The following PIP5K1B variants were observed in gnomAD, a reference collection of about 807,000 sequenced individuals.
PIP5K1B encodes phosphatidylinositol 4-phosphate 5-kinase type-1 beta.
PIP5K1B carries 42 observed loss-of-function variants against 67.0 expected under a neutral mutation model. That is an observed-to-expected ratio of 0.63 (90% CI 0.49 to 0.81). The LOEUF is 0.81. Ranked by LOEUF, PIP5K1B falls within the 30% of genes least tolerant of loss-of-function variation. The probability of loss-of-function intolerance (pLI) is 0.00; values close to 1 mark genes in which losing one functional copy is unlikely to be tolerated. For missense variants in PIP5K1B, 459 were observed against 646.3 expected (o/e 0.71, Z 3.14); for synonymous variants, 214 against 231.4 (o/e 0.92, Z 0.68).
rs111686902 is a variant in PIP5K1B at position 68,880,382 on chromosome 9, G to A, written c.318+3588G>A. On this transcript the variant is annotated intron_variant, in intron 6 of 15. Transcript: ENST00000265382. ...AGCCTGGCCAACATGGCAAAATCCCGTCTCTACCAAAAATACAAAAACGTT... is the reference window on the plus strand; with the variant it reads ...AGCCTGGCCAACATGGCAAAATCCCATCTCTACCAAAAATACAAAAACGTT... 3.9e-5 allele frequency among the ~76,000 whole-genome samples: 6 copies of A among 152,124 alleles called. No individual in the cohort carries two copies. In the East Asian group the frequency reaches 1.2e-3, roughly 29 times the overall value.
chr9:68,864,439 AC>A (rs1310885660), intron 5 of PIP5K1B, among the ~76,000 whole-genome samples: 5 of 152,252 alleles, frequency 3.3e-5, no homozygotes, highest in African/African-American at 1.2e-4. Context: ...CTTTAACTTA[AC>A]TTTCCTCGAG....
At chr9:68,889,578 C>CA (rs1352456002) in intron 7 of PIP5K1B, among the ~76,000 whole-genome samples, 9 of 151,412 alleles carry the variant, frequency 5.9e-5, no homozygotes, top group African/African-American at 1.7e-4. Context: ...ACTAAAAATA[C>CA]AAAAAAATTA....
intron 1 of PIP5K1B, among the ~76,000 whole-genome samples, chr9:68,728,277 C>T (rs926321534): frequency 2.6e-5 from 4 of 152,126 alleles, no homozygotes; most frequent in African/African-American, 4.8e-5. Flanking sequence ...CTGACAGATC[C>T]AGTGTCTGGT....
At chr9:68,919,148 T>C (rs1181895443) in intron 9 of PIP5K1B, among the ~76,000 whole-genome samples, 1 of 152,218 alleles carries the variant, frequency 6.6e-6, no homozygotes, top group Non-Finnish European at 1.5e-5. Flanking sequence ...TATTTTATAA[T>C]GGTCTAAAAA....
intron 8 of PIP5K1B, among the ~76,000 whole-genome samples, chr9:68,914,209 C>T (rs906914610): frequency 2.0e-5 from 3 of 152,012 alleles, no homozygotes; most frequent in African/African-American, 7.2e-5. Flanking sequence ...TTTTAACAAG[C>T]AGAATTCATT....
intron 15 of PIP5K1B, among the ~76,000 whole-genome samples, chr9:69,007,999 T>C (rs1290149343): frequency 6.6e-6 from 1 of 152,180 alleles, no homozygotes; most frequent in Non-Finnish European, 1.5e-5. Flanking sequence ...ATAGCTACCA[T>C]TTAAATAGCT....
intron 2 of PIP5K1B, among the ~76,000 whole-genome samples, chr9:68,744,750 T>G (rs765657247): frequency 2.8e-4 from 43 of 152,208 alleles, no homozygotes; most frequent in Non-Finnish European, 4.6e-4. Flanking sequence ...GTGGGGCCCT[T>G]TTGTGGGTTC....
intron 15 of PIP5K1B, among the ~76,000 whole-genome samples, chr9:69,008,084 C>G (rs548850487): frequency 5.9e-5 from 9 of 152,302 alleles, no homozygotes; most frequent in African/African-American, 2.2e-4. Context: ...AAGTTCAAGG[C>G]CATGTTCAAG....
intron 5 of PIP5K1B, among the ~76,000 whole-genome samples, chr9:68,869,842 AAAAG>A (rs1170455738): frequency 6.6e-6 from 1 of 152,182 alleles, no homozygotes; most frequent in Admixed American, 6.5e-5. Context: ...AAATAAATAA[AAAAG>A]AAAAAGATTA....
intron 2 of PIP5K1B, chr9:68,780,059 G>C: frequency 1.4e-6 from 2 of 1,404,426 alleles, no homozygotes; most frequent in Non-Finnish European, 9.3e-7. Context: ...GGGCCAGCCC[G>C]CTGACAGATT....
intron 13 of PIP5K1B, among the ~76,000 whole-genome samples, chr9:68,935,717 A>G (rs1827231999): frequency 6.6e-6 from 1 of 152,154 alleles, no homozygotes; most frequent in Admixed American, 6.5e-5. Flanking sequence ...CATACACTCA[A>G]TGTAACAATA....
intron 2 of PIP5K1B, among the ~76,000 whole-genome samples, chr9:68,805,284 T>C (rs1282259815): frequency 6.6e-6 from 1 of 152,096 alleles, no homozygotes; most frequent in Non-Finnish European, 1.5e-5. Context: ...CGGCCAGAGA[T>C]GAGGGTGAGC....
At chr9:68,955,484 A>G (rs139773886) in intron 14 of PIP5K1B, among the ~76,000 whole-genome samples, 1 of 152,318 alleles carries the variant, frequency 6.6e-6, no homozygotes, top group African/African-American at 2.4e-5. Context: ...TTTAAAATTC[A>G]TTTCCTGGCC....
At chr9:68,944,418 G>C (rs188413324) in intron 14 of PIP5K1B, among the ~76,000 whole-genome samples, 1 of 152,242 alleles carries the variant, frequency 6.6e-6, no homozygotes. Context: ...CAAAGCTCTG[G>C]TTATGCATAA....
At chr9:68,889,451 G>C (rs923996486) in intron 7 of PIP5K1B, among the ~76,000 whole-genome samples, 2 of 152,088 alleles carry the variant, frequency 1.3e-5, no homozygotes, top group Non-Finnish European at 1.5e-5. Context: ...TGAGAAATAC[G>C]TGGCCAGGCG....
At chr9:69,008,213 T>C (rs942412827) in intron 15 of PIP5K1B, among the ~76,000 whole-genome samples, 2 of 152,234 alleles carry the variant, frequency 1.3e-5, no homozygotes, top group African/African-American at 4.8e-5. Context: ...AGCACAGTGC[T>C]GTGATGTAGT....
chr9:68,856,156 T>A (rs1055901024), intron 4 of PIP5K1B, among the ~76,000 whole-genome samples: 8 of 152,118 alleles, frequency 5.3e-5, no homozygotes, highest in African/African-American at 1.9e-4. Context: ...AAGACCCAGA[T>A]CTCAGTCTGT....
chr9:68,780,077 G>GTCGCCGTATCATTAAAAAA, intron 2 of PIP5K1B: 3 of 1,419,138 alleles, frequency 2.1e-6, no homozygotes, highest in Admixed American at 3.1e-5. Context: ...ATTCTCGGTG[G>GTCGCCGTATCATTAAAAAA]CGGCGGCAGC....
chr9:68,919,321 CAAAAAG>C (rs1449076673), intron 9 of PIP5K1B, among the ~76,000 whole-genome samples, 152 bp from the exon 10 acceptor site: 1 of 150,710 alleles, frequency 6.6e-6, no homozygotes, highest in Non-Finnish European at 1.5e-5. Flanking sequence ...AAAACAAAAA[CAAAAAG>C]GAACAAACAA....
Sources: allele counts gnomAD v4.1 joint callset (sites outside exome capture counted in the v4.1 genomes callset), GRCh38; gene constraint gnomAD v4.1.1; transcripts MANE v1.5; gene names NCBI Gene and HGNC (gene_info 2026-07-23, HGNC 2026-07-21).